Variants in RAB3IP observed in about 807,000 individuals in gnomAD.
The protein encoded by RAB3IP is rab-3A-interacting protein.
In RAB3IP, 36 loss-of-function variants were observed where a neutral mutation model predicts 59.1. The observed-to-expected ratio is 0.61, with a 90% CI of 0.47 to 0.80. The LOEUF (loss-of-function observed/expected upper bound fraction) is 0.80. Among genes scored for constraint, RAB3IP ranks in the 30% least tolerant of loss-of-function variants. The pLI is 0.00. For missense variants in RAB3IP, 511 were observed against 536.0 expected, an observed-to-expected ratio of 0.95 and a Z score of 0.46; for synonymous variants, 207 against 191.2, an observed-to-expected ratio of 1.08 and a Z score of -0.68.
intron 3 of RAB3IP, among the ~76,000 whole-genome samples, chr12:69,764,371 C>CGAT (rs1871857581): frequency 6.6e-6 from 1 of 152,166 alleles, no homozygotes. Flanking sequence ...GCCTAGCCAG[C>CGAT]TATCCTAGCA....
intron 2 of RAB3IP, among the ~76,000 whole-genome samples, chr12:69,756,005 T>C (rs1457250745): frequency 6.6e-6 from 1 of 152,252 alleles, no homozygotes; most frequent in Non-Finnish European, 1.5e-5. Flanking sequence ...TTCATTTAAT[T>C]TTCATGTGTC....
chr12:69,755,234 A>G, intron 1 of RAB3IP, 150 bp from the exon 2 acceptor site: 1 of 681,906 alleles, frequency 1.5e-6, no homozygotes, highest in Non-Finnish European at 2.4e-6. Flanking sequence ...ATATACCACC[A>G]TGTGATTGTG....
chr12:69,772,715 G>C (rs1053980774), intron 3 of RAB3IP, among the ~76,000 whole-genome samples: 12 of 152,064 alleles, frequency 7.9e-5, no homozygotes, highest in African/African-American at 2.7e-4. Flanking sequence ...TTGAATTTTT[G>C]ATGTTACAAT....
intron 1 of RAB3IP, among the ~76,000 whole-genome samples, chr12:69,747,315 TGTGTGTGTGTGTGTGTGA>T (rs1412667932): frequency 4.9e-5 from 7 of 142,834 alleles, no homozygotes; most frequent in Non-Finnish European, 7.8e-5. Flanking sequence ...TGTGTGTGTG[TGTGTGTGTGTGTGTGTGA>T]GAGAGAGAGA....
intron 1 of RAB3IP, chr12:69,739,627 A>G (rs1887072566): frequency 1.7e-6 from 1 of 597,942 alleles, no homozygotes; most frequent in Admixed American, 3.0e-5. Context: ...ACCTGGTGGG[A>G]AATTCCGGGC....
intron 3 of RAB3IP, among the ~76,000 whole-genome samples, chr12:69,762,839 A>G (rs1260138404): frequency 6.6e-6 from 1 of 151,958 alleles, no homozygotes; most frequent in East Asian, 1.9e-4. Flanking sequence ...AATAAAGCCC[A>G]GTAGGATAGC....
At chr12:69,762,836 C>G (rs537094419) in intron 3 of RAB3IP, among the ~76,000 whole-genome samples, 1 of 150,886 alleles carries the variant, frequency 6.6e-6, no homozygotes, top group African/African-American at 2.4e-5. Context: ...GAAAATAAAG[C>G]CCAGTAGGAT....
chr12:69,752,950 A>G (rs545092215), intron 1 of RAB3IP, among the ~76,000 whole-genome samples: 14 of 152,314 alleles, frequency 9.2e-5, no homozygotes, highest in Non-Finnish European at 1.9e-4. Flanking sequence ...AAAAAATAAT[A>G]AATTTTAATG....
At chr12:69,751,308 G>A (rs2136115303) in intron 1 of RAB3IP, among the ~76,000 whole-genome samples, 1 of 152,238 alleles carries the variant, frequency 6.6e-6, no homozygotes, top group South Asian at 2.1e-4. Flanking sequence ...TTGCTTTCTG[G>A]TATAACAAGA....
intron 3 of RAB3IP, among the ~76,000 whole-genome samples, chr12:69,762,013 G>C (rs1157168624): frequency 6.6e-6 from 1 of 152,164 alleles, no homozygotes; most frequent in Non-Finnish European, 1.5e-5. Flanking sequence ...AAAAAACCTT[G>C]GCTTAGATAT....
chr12:69,779,750 A>T (rs1411954389), intron 3 of RAB3IP, among the ~76,000 whole-genome samples: 2 of 143,300 alleles, frequency 1.4e-5, no homozygotes, highest in African/African-American at 2.6e-5. Flanking sequence ...GTTTATCTGT[A>T]TTTTCTTGAA....
At chr12:69,751,672 T>C (rs899769038) in intron 1 of RAB3IP, among the ~76,000 whole-genome samples, 5 of 152,184 alleles carry the variant, frequency 3.3e-5, no homozygotes, top group African/African-American at 9.6e-5. Context: ...ACTACTGTTA[T>C]TAACATTGAA....
intron 8 of RAB3IP, chr12:69,812,419 T>A: frequency 5.0e-6 from 1 of 202,012 alleles, no homozygotes; most frequent in Non-Finnish European, 1.0e-5. Flanking sequence ...ACAGTCATCA[T>A]GAGGATATTT....
chr12:69,750,726 C>CTT (rs113789962), intron 1 of RAB3IP, among the ~76,000 whole-genome samples: 2 of 140,854 alleles, frequency 1.4e-5, no homozygotes, highest in Admixed American at 7.1e-5. Flanking sequence ...TGGGGTCTTT[C>CTT]TTTTTTTTTT....
intron 1 of RAB3IP, among the ~76,000 whole-genome samples, chr12:69,751,389 CT>C (rs1437170057): frequency 6.6e-6 from 1 of 151,802 alleles, no homozygotes; most frequent in Non-Finnish European, 1.5e-5. Flanking sequence ...AGCCTGTGTT[CT>C]TTTTTTTGGA....
In RAB3IP at chr12:69,756,561, G is replaced by A. The variant is rs760937982; in HGVS notation, c.408G>A (p.Gly136=). 1.9e-6 allele frequency: 3 copies of A among 1,614,014 alleles called. No individual in the cohort carries two copies. The highest frequency in any genetic ancestry group is 4.5e-5 in the East Asian group (2 of 44,896). The change falls in exon 3 of 11, where the codon GGG becomes GGA. Residue 136 remains glycine, a synonymous_variant. Transcript: ENST00000247833. ...EACDGSDDIF[G]LSTDSLSRLR... is the part of the protein sequence containing the mutation. ...GCGATGGCAGTGATGATATTTTTGGGTTGAGTACTGATAGTCTGTCTCGTT... is the reference window on the plus strand; with the variant it reads ...GCGATGGCAGTGATGATATTTTTGGATTGAGTACTGATAGTCTGTCTCGTT...
At chr12:69,779,201 C>CT (rs1401580028) in intron 3 of RAB3IP, 1 of 143,150 alleles carries the variant, frequency 7.0e-6, no homozygotes, top group Non-Finnish European at 1.5e-5. Flanking sequence ...TCACCCCTTT[C>CT]TTTGACTCGG....
chr12:69,801,438 G>T (rs1029036791), intron 7 of RAB3IP, among the ~76,000 whole-genome samples, 171 bp from the exon 8 acceptor site: 2 of 152,116 alleles, frequency 1.3e-5, no homozygotes, highest in Non-Finnish European at 2.9e-5. Context: ...ACAGTGTTTG[G>T]ATTATAAAAT....
chr12:69,766,942 C>A (rs1872308355), intron 3 of RAB3IP, among the ~76,000 whole-genome samples: 1 of 152,200 alleles, frequency 6.6e-6, no homozygotes, highest in Admixed American at 6.5e-5. Context: ...ATCTTCCTTG[C>A]AATTCATGTT....
Sources: gnomAD v4.1 joint callset for allele counts (sites outside exome capture counted in the v4.1 genomes callset) on GRCh38, gnomAD v4.1.1 for gene constraint, MANE v1.5 for transcripts, NCBI Gene and HGNC (gene_info 2026-07-23, HGNC 2026-07-21) for gene names.